The following NR1H3 variants were observed in gnomAD, a reference collection of about 807,000 sequenced individuals.
NR1H3 encodes oxysterols receptor LXR-alpha.
Under a neutral mutation model 48.1 loss-of-function variants are expected in NR1H3, and 19 were observed. The observed-to-expected ratio is 0.40, with a 90% CI of 0.28 to 0.58. The LOEUF (loss-of-function observed/expected upper bound fraction) is 0.58. NR1H3 is among the 20% of genes least tolerant of loss of function. The probability of loss-of-function intolerance (pLI) is 0.50; values close to 1 mark genes in which losing one functional copy is unlikely to be tolerated. For synonymous variants in NR1H3, 232 were observed against 227.3 expected, an observed-to-expected ratio of 1.02 and a Z score of -0.19; for missense variants, 486 against 595.9, an observed-to-expected ratio of 0.82 and a Z score of 1.92.
upstream of NR1H3, among the ~76,000 whole-genome samples, chr11:47,255,577 CTTTCTT>C (rs1955039296): frequency 2.3e-5 from 2 of 88,324 alleles, no homozygotes; most frequent in African/African-American, 1.3e-4. Context: ...TTCTTTCTTT[CTTTCTT>C]TCTTTCTTTC....
At chr11:47,258,966 A>G in intron 1 of NR1H3, 1 of 741,062 alleles carries the variant, frequency 1.3e-6, no homozygotes. Flanking sequence ...ACTTGAGCCC[A>G]GGAATTCCTA....
intron 7 of NR1H3, among the ~76,000 whole-genome samples, chr11:47,262,356 GCAA>G (rs763256281): frequency 8.2e-4 from 125 of 151,584 alleles, no homozygotes; most frequent in African/African-American, 2.2e-3. Flanking sequence ...TCCAGCCTGG[GCAA>G]CAACAACAAC....
At chr11:47,256,530 C>A (rs1037163342), upstream of NR1H3, among the ~76,000 whole-genome samples, 30 of 151,816 alleles carry the variant, frequency 2.0e-4, no homozygotes, top group African/African-American at 7.0e-4. Flanking sequence ...AAATTGACTA[C>A]AGCAGTTGTG....
upstream of NR1H3, among the ~76,000 whole-genome samples, chr11:47,256,791 C>T (rs1313304415): frequency 6.3e-5 from 9 of 143,356 alleles, no homozygotes; most frequent in South Asian, 4.4e-4. Flanking sequence ...AGTGCAGTGG[C>T]GCAATCTCGG....
At chr11:47,256,056 T>G (rs1311419956), upstream of NR1H3, among the ~76,000 whole-genome samples, 2 of 152,112 alleles carry the variant, frequency 1.3e-5, no homozygotes, top group African/African-American at 2.4e-5. Context: ...TTTTTCTTTT[T>G]TTTATTTTGA....
upstream of NR1H3, among the ~76,000 whole-genome samples, chr11:47,255,617 CTTTCTT>C (rs374010705): frequency 0.021 from 1,616 of 76,610 alleles, 31 homozygotes; most frequent in East Asian, 0.09. Context: ...CTCTCTCTCT[CTTTCTT>C]TCTTTCTTTC....
At chr11:47,255,615 C>CTCTTTCTT (rs71042664), upstream of NR1H3, among the ~76,000 whole-genome samples, 5 of 93,206 alleles carry the variant, frequency 5.4e-5, no homozygotes, top group African/African-American at 2.4e-4. Flanking sequence ...CTCTCTCTCT[C>CTCTTTCTT]TCTTTCTTTC....
At chr11:47,255,611 CTCTCTCTT>C (rs1262122870), upstream of NR1H3, among the ~76,000 whole-genome samples, 1,630 of 122,734 alleles carry the variant, frequency 0.013, 22 homozygotes, top group Admixed American at 0.026. Context: ...CTCTCTCTCT[CTCTCTCTT>C]TCTTTCTTTC....
upstream of NR1H3, chr11:47,248,585 A>C (rs1238067198): frequency 1.2e-5 from 18 of 1,552,052 alleles, no homozygotes; most frequent in Non-Finnish European, 1.6e-5. Flanking sequence ...CTCCTAAACC[A>C]GCTGTTCCTT....
intron 4 of NR1H3, 94 bp from the exon 5 acceptor site, chr11:47,261,147 C>G (rs1271450348): frequency 4.9e-6 from 4 of 810,416 alleles, no homozygotes; most frequent in Middle Eastern, 4.4e-4. Flanking sequence ...CAAACCACCC[C>G]CTTTGCCCCA....
intron 2 of NR1H3, 56 bp downstream of exon 2, chr11:47,259,315 T>C (rs754507106): frequency 6.2e-7 from 1 of 1,612,032 alleles, no homozygotes; most frequent in Non-Finnish European, 8.5e-7. Context: ...CCACGCCTCC[T>C]GTAGGAATCA....
chr11:47,255,549 CTT>C (rs1360879168), upstream of NR1H3, among the ~76,000 whole-genome samples: 18 of 54,978 alleles, frequency 3.3e-4, no homozygotes, highest in Middle Eastern at 7.9e-3. Flanking sequence ...CTTTTTCTTT[CTT>C]TCTTTCTTTC....
upstream of NR1H3, among the ~76,000 whole-genome samples, chr11:47,257,118 A>C (rs1402449954): frequency 6.6e-6 from 1 of 152,204 alleles, no homozygotes; most frequent in African/African-American, 2.4e-5. Flanking sequence ...GCCCTGTTTC[A>C]GGGGTGTTGG....
Position 47,267,937 on chromosome 11 carries a change from C to A in NR1H3, c.1013C>A (p.Pro338His). ...GGGCTGCAAGTGGAATTCATCAACC[C>A]CATCTTCGAGTTCTCCAGGGCCATG... is the stretch of plus-strand genomic sequence containing the variant. ...KAGLQVEFIN[P>H]IFEFSRAMNE... Residue 338 changes from proline (P) to histidine (H), a missense_variant, in exon 8 of 10, where the codon CCC becomes CAC. Physicochemically the swap from Pro to His is moderately conservative, Grantham distance 77. Transcript: ENST00000441012. 6.2e-7 allele frequency: 1 copy of A among 1,614,048 alleles called. No homozygotes were observed. The highest frequency in any genetic ancestry group is 8.5e-7 in the Non-Finnish European group (1 of 1,179,976).
At chr11:47,249,076 C>G in intron 1 of NR1H3, 1 of 1,354,862 alleles carries the variant, frequency 7.4e-7, no homozygotes, top group Non-Finnish European at 9.8e-7. Context: ...GCGTTTGCCT[C>G]TGCTCGGAGA....
At chr11:47,264,395 C>T (rs1017183251) in intron 7 of NR1H3, among the ~76,000 whole-genome samples, 29 of 152,234 alleles carry the variant, frequency 1.9e-4, no homozygotes, top group African/African-American at 6.3e-4. Context: ...GGCCACTCTT[C>T]GCTGTAGGGC....
upstream of NR1H3, among the ~76,000 whole-genome samples, chr11:47,255,364 A>G (rs1405432977): frequency 6.6e-6 from 1 of 152,230 alleles, no homozygotes; most frequent in Non-Finnish European, 1.5e-5. Context: ...TCTAAGGACC[A>G]GAAAAGATAG....
Position 47,269,033 on chromosome 11 carries a change from A to G in NR1H3, c.*337A>G. On this transcript the variant is annotated 3_prime_UTR_variant, in exon 10 of 10. Coordinates refer to ENST00000441012, the MANE Select transcript of NR1H3 (RefSeq NM_005693.4). ...GCCCCAAGAAAAATTCTCCACTGTCACTCTGTGGTATGGCCATAAATGCCT... is the reference window on the plus strand; with the variant it reads ...GCCCCAAGAAAAATTCTCCACTGTCGCTCTGTGGTATGGCCATAAATGCCT... The G allele has an allele frequency of 3.3e-6, 1 of 305,862 alleles. No homozygotes were observed. Among genetic ancestry groups the G allele is most frequent in the Non-Finnish European group, 6.2e-6 (1 of 161,364 alleles). 18.9% of individuals were successfully genotyped at this position (305,862 alleles called of 1,614,324 possible). A position where few individuals can be genotyped will look rare whatever the true frequency, so the allele number is the denominator to read the frequency against.
chr11:47,251,898 T>A (rs946356210), intron 1 of NR1H3, among the ~76,000 whole-genome samples: 3 of 152,132 alleles, frequency 2.0e-5, no homozygotes, highest in Non-Finnish European at 4.4e-5. Flanking sequence ...TCAGTTTTTA[T>A]AGGGAGAAAC....
Sources: gnomAD v4.1 joint callset for allele counts (sites outside exome capture counted in the v4.1 genomes callset) on GRCh38, gnomAD v4.1.1 for gene constraint, MANE v1.5 for transcripts, NCBI Gene and HGNC (gene_info 2026-07-23, HGNC 2026-07-21) for gene names.